Variants in CSMD1 observed in about 807,000 individuals in gnomAD.
The protein encoded by CSMD1 is CUB and Sushi multiple domains 1, also known as CUB and sushi domain-containing protein 1.
CSMD1 carries 213 observed loss-of-function variants against 417.5 expected under a neutral mutation model. That is an observed-to-expected ratio of 0.51 (90% CI 0.46 to 0.57). The LOEUF (loss-of-function observed/expected upper bound fraction) is 0.57, where lower values mean the gene tolerates loss of function less well. CSMD1 is among the 20% of genes least tolerant of loss of function. The pLI, the probability that CSMD1 is intolerant of heterozygous loss-of-function variation, is 0.00. For missense variants in CSMD1, 6,923 were observed against 4,529.7 expected, an observed-to-expected ratio of 1.53 and a Z score of -15.17; for synonymous variants, 2,862 against 1,736.8, an observed-to-expected ratio of 1.65 and a Z score of -16.11.
intron 2 of CSMD1, among the ~76,000 whole-genome samples, chr8:4,434,525 A>C (rs1206282792): frequency 6.6e-6 from 1 of 152,204 alleles, no homozygotes; most frequent in Admixed American, 6.5e-5. Flanking sequence ...TTGTCTGATG[A>C]AGCACTTAAG....
At chr8:4,923,859 C>T (rs972061052) in intron 1 of CSMD1, among the ~76,000 whole-genome samples, 1 of 152,092 alleles carries the variant, frequency 6.6e-6, no homozygotes, top group Non-Finnish European at 1.5e-5. Context: ...AAGTAACTGG[C>T]CCACAAACTA....
intron 3 of CSMD1, among the ~76,000 whole-genome samples, chr8:4,261,113 T>C (rs1195560335): frequency 6.6e-6 from 1 of 152,240 alleles, no homozygotes; most frequent in Non-Finnish European, 1.5e-5. Flanking sequence ...CATTTACACA[T>C]GTCTGTGTTT....
chr8:4,134,103 T>C (rs965305913), intron 3 of CSMD1, among the ~76,000 whole-genome samples: 4 of 152,196 alleles, frequency 2.6e-5, no homozygotes, highest in Admixed American at 1.3e-4. Flanking sequence ...AACATCAATA[T>C]TGCTGGTATA....
intron 6 of CSMD1, among the ~76,000 whole-genome samples, chr8:3,729,689 G>T (rs1056104240): frequency 7.8e-6 from 1 of 127,890 alleles, no homozygotes; most frequent in East Asian, 2.3e-4. Flanking sequence ...GATGAAACTC[G>T]CCTCTTCTTC....
intron 3 of CSMD1, among the ~76,000 whole-genome samples, chr8:4,142,100 T>A (rs1489088235): frequency 6.6e-6 from 1 of 151,212 alleles, no homozygotes; most frequent in Admixed American, 6.6e-5. Context: ...TTCCCTAATG[T>A]TTGAAGCAAC....
At chr8:3,550,644 T>G (rs550508932) in intron 10 of CSMD1, among the ~76,000 whole-genome samples, 20 of 152,266 alleles carry the variant, frequency 1.3e-4, no homozygotes, top group Admixed American at 7.2e-4. Flanking sequence ...GCTGTTTCCT[T>G]TCTTACTGGT....
intron 1 of CSMD1, among the ~76,000 whole-genome samples, chr8:4,759,541 T>C (rs149569981): frequency 5.3e-5 from 8 of 151,740 alleles, no homozygotes; most frequent in African/African-American, 1.9e-4. Context: ...ACTAGGATTT[T>C]TTTCCTAATG....
intron 49 of CSMD1, among the ~76,000 whole-genome samples, chr8:3,084,102 G>C (rs1420480090): frequency 6.6e-6 from 1 of 152,148 alleles, no homozygotes; most frequent in Non-Finnish European, 1.5e-5. Flanking sequence ...AAGGTTTCTA[G>C]CATAATCCAC....
intron 3 of CSMD1, among the ~76,000 whole-genome samples, chr8:4,165,053 G>C (rs567684999): frequency 1.3e-5 from 2 of 152,284 alleles, no homozygotes; most frequent in South Asian, 4.1e-4. Context: ...GGTAGAGGCT[G>C]TGTAGACAGT....
At chr8:3,499,395 T>C (rs1237236389) in intron 10 of CSMD1, among the ~76,000 whole-genome samples, 1 of 152,126 alleles carries the variant, frequency 6.6e-6, no homozygotes, top group Non-Finnish European at 1.5e-5. Flanking sequence ...GAGCCATCTC[T>C]GCTTCTCAGT....
intron 6 of CSMD1, among the ~76,000 whole-genome samples, chr8:3,711,855 A>T (rs1395008985): frequency 6.6e-6 from 1 of 152,216 alleles, no homozygotes; most frequent in East Asian, 1.9e-4. Flanking sequence ...AATAATAAAG[A>T]GCATAGAACT....
intron 38 of CSMD1, among the ~76,000 whole-genome samples, chr8:3,160,193 G>A (rs562359414): frequency 3.3e-5 from 5 of 152,052 alleles, no homozygotes; most frequent in South Asian, 2.1e-4. Flanking sequence ...GTGCAATCTC[G>A]GCTCACTGCA....
intron 1 of CSMD1, among the ~76,000 whole-genome samples, chr8:4,889,706 G>A (rs912543869): frequency 2.6e-5 from 4 of 152,054 alleles, no homozygotes; most frequent in Non-Finnish European, 2.9e-5. Flanking sequence ...GTAATTAAAA[G>A]CAAAGAAAAT....
At chr8:3,832,586 AC>A (rs1475945611) in intron 5 of CSMD1, among the ~76,000 whole-genome samples, 1 of 152,178 alleles carries the variant, frequency 6.6e-6, no homozygotes, top group Non-Finnish European at 1.5e-5. Flanking sequence ...AAAAACAAAA[AC>A]AGAAATAACA....
chr8:4,052,251 G>T (rs1462142482), intron 3 of CSMD1, among the ~76,000 whole-genome samples: 1 of 152,130 alleles, frequency 6.6e-6, no homozygotes, highest in Non-Finnish European at 1.5e-5. Context: ...TGAGAGGGTG[G>T]GAGTCCAGAC....
intron 15 of CSMD1, among the ~76,000 whole-genome samples, chr8:3,404,012 T>G (rs1052910621): frequency 6.6e-6 from 1 of 152,168 alleles, no homozygotes; most frequent in South Asian, 2.1e-4. Context: ...ACAAATTGTT[T>G]TAACAATGTA....
intron 1 of CSMD1, among the ~76,000 whole-genome samples, chr8:4,937,927 C>T (rs1024264321): frequency 6.6e-6 from 1 of 152,148 alleles, no homozygotes; most frequent in South Asian, 2.1e-4. Context: ...CAGCTACCTA[C>T]TTATCTAAAT....
intron 26 of CSMD1, among the ~76,000 whole-genome samples, chr8:3,245,393 G>T (rs560229600): frequency 5.9e-5 from 9 of 152,172 alleles, no homozygotes; most frequent in Non-Finnish European, 1.3e-4. Flanking sequence ...TAAAGGACCA[G>T]ACTTTTCCCC....
At chr8:4,687,327 G>T (rs1176425067) in intron 1 of CSMD1, among the ~76,000 whole-genome samples, 5 of 152,162 alleles carry the variant, frequency 3.3e-5, no homozygotes, top group Admixed American at 2.6e-4. Context: ...ATGCATAGAT[G>T]GAGAAGAGCC....
Sources: allele counts gnomAD v4.1 joint callset (sites outside exome capture counted in the v4.1 genomes callset), GRCh38; gene constraint gnomAD v4.1.1; transcripts MANE v1.5; gene names NCBI Gene and HGNC (gene_info 2026-07-23, HGNC 2026-07-21).